Variants in JPH3 observed in about 807,000 individuals in gnomAD.
The protein encoded by JPH3 is junctophilin-3.
JPH3 carries 11 observed loss-of-function variants against 59.6 expected under a neutral mutation model. The observed-to-expected ratio is 0.18, with a 90% CI of 0.12 to 0.31. JPH3 has a LOEUF of 0.31. JPH3 is among the 10% of genes least tolerant of loss of function. JPH3 has a pLI of 1.00. For synonymous variants in JPH3, 673 were observed against 483.6 expected, an observed-to-expected ratio of 1.39 and a Z score of -5.14; for missense variants, 1,202 against 1,105.7, an observed-to-expected ratio of 1.09 and a Z score of -1.24.
chr16:87,644,262 C>T lies in JPH3; in HGVS notation c.387C>T (p.Thr129=), dbSNP rs753628030. ...CCTCTCTCATTTTCTCCCCAGGGAC[C>T]TACCAGGGCCAGTGGGTCGGTGGCA... ...YGTETYSDGG[T]YQGQWVGGMR... The change falls in exon 2 of 5, where the codon ACC becomes ACT. Residue 129 remains threonine (T), a synonymous_variant. Coordinates refer to ENST00000284262, the MANE Select transcript of JPH3 (RefSeq NM_020655.4). 2 of 1,604,438 alleles carry T rather than the reference C, an allele frequency of 1.2e-6. No homozygotes were observed. The highest frequency in any genetic ancestry group is 1.1e-5 in the South Asian group (1 of 89,474).
chr16:87,684,660 G>GTCACAGCCATTAGC (rs2033374195), intron 3 of JPH3, among the ~76,000 whole-genome samples: 1 of 152,252 alleles, frequency 6.6e-6, no homozygotes, highest in Admixed American at 6.5e-5. Flanking sequence ...CATTAGCTGG[G>GTCACAGCCATTAGC]TGTGTCTGCG....
intron 1 of JPH3, among the ~76,000 whole-genome samples, chr16:87,632,255 G>A (rs2150836007): frequency 6.6e-6 from 1 of 152,284 alleles, no homozygotes; most frequent in Admixed American, 6.5e-5. Flanking sequence ...AGTGCCTGCT[G>A]AAGCATTGGC....
At chr16:87,618,420 G>A (rs4843249) in intron 1 of JPH3, among the ~76,000 whole-genome samples, 59,979 of 151,988 alleles carry the variant, frequency 0.39, 12,578 homozygotes, top group South Asian at 0.53. Flanking sequence ...TGGCCTTGTG[G>A]CAAACACCTC....
At chr16:87,604,401 A>T in intron 1 of JPH3, 1 of 1,418,996 alleles carries the variant, frequency 7.0e-7, no homozygotes. Flanking sequence ...TCCGATATCC[A>T]CTCCTCAGTG....
chr16:87,615,212 G>C (rs1220837925), intron 1 of JPH3, among the ~76,000 whole-genome samples: 1 of 152,252 alleles, frequency 6.6e-6, no homozygotes, highest in Non-Finnish European at 1.5e-5. Context: ...CGGGGCCTAA[G>C]CGTGCCCAGA....
At chr16:87,653,664 G>C (rs980423236) in intron 2 of JPH3, 1 of 152,248 alleles carries the variant, frequency 6.6e-6, no homozygotes, top group Non-Finnish European at 1.5e-5. Flanking sequence ...AGGTAGCACA[G>C]TTCTCATCAC....
chr16:87,648,464 C>A (rs1488159404), intron 2 of JPH3, among the ~76,000 whole-genome samples: 1 of 152,116 alleles, frequency 6.6e-6, no homozygotes, highest in Non-Finnish European at 1.5e-5. Flanking sequence ...ACTGTCCTCA[C>A]CCGCCCCGGC....
chr16:87,634,785 G>C (rs2031678627), intron 1 of JPH3, among the ~76,000 whole-genome samples: 1 of 152,254 alleles, frequency 6.6e-6, no homozygotes, highest in African/African-American at 2.4e-5. Flanking sequence ...GGGCTTTGGG[G>C]TTGGGCCTCA....
intron 2 of JPH3, chr16:87,683,900 C>T: frequency 2.0e-6 from 1 of 501,176 alleles, no homozygotes; most frequent in Non-Finnish European, 3.6e-6. Flanking sequence ...GCCACCATGC[C>T]CTGCCCAGAG....
rs746632245 is a variant in JPH3 at position 87,696,672 on chromosome 16, G to A, written c.*12G>A. ...ACTTTTTCATCTGATGAGATGTCGC[G>A]GTAGCAAAAATAGAGAAAGGGTAGA... On this transcript the variant is annotated 3_prime_UTR_variant, in exon 5 of 5. Coordinates refer to ENST00000284262, the MANE Select transcript of JPH3 (RefSeq NM_020655.4). The A allele has an allele frequency of 1.2e-5, 19 of 1,605,282 alleles. No homozygotes were observed. The highest frequency in any genetic ancestry group is 7.7e-5 in the South Asian group (7 of 90,880).
intron 1 of JPH3, among the ~76,000 whole-genome samples, chr16:87,638,133 T>C (rs1024270975): frequency 6.6e-6 from 1 of 152,158 alleles, no homozygotes; most frequent in African/African-American, 2.4e-5. Flanking sequence ...TTGGCCAGGC[T>C]GGTCTCGAAC....
Position 87,611,338 on chromosome 16 carries a change from G to C in JPH3, c.382+7810G>C, listed in dbSNP as rs1328949383. ...CTGAAGGAGCGGCAGAGGCTTCTGGGGGTAGGCAGTGCCTGAGTTGAGTCT... is the reference window on the plus strand; with the variant it reads ...CTGAAGGAGCGGCAGAGGCTTCTGGCGGTAGGCAGTGCCTGAGTTGAGTCT... On this transcript the variant is annotated intron_variant, in intron 1 of 4. Transcript: ENST00000284262. This position sits in a 1 kb window ranked among gnomAD's most constrained non-coding sequence, Gnocchi z 4.5. Among the ~76,000 whole-genome samples, 2 of 152,198 alleles carry C rather than the reference G, an allele frequency of 1.3e-5. No individual in the cohort carries two copies. Among genetic ancestry groups the C allele is most frequent in the African/African-American group, 4.8e-5 (2 of 41,446 alleles).
chr16:87,608,070 C>G (rs2150820772), intron 1 of JPH3, among the ~76,000 whole-genome samples: 1 of 152,360 alleles, frequency 6.6e-6, no homozygotes, highest in Non-Finnish European at 1.5e-5. Flanking sequence ...CTGAGATGAG[C>G]TGGCCGGGGA....
chr16:87,680,001 A>G (rs2033245604), intron 2 of JPH3, among the ~76,000 whole-genome samples: 1 of 152,138 alleles, frequency 6.6e-6, no homozygotes. Context: ...CCCCGCCTCT[A>G]AGCCTGGGTC....
At chr16:87,657,452 A>T (rs904374060) in intron 2 of JPH3, among the ~76,000 whole-genome samples, 1 of 152,174 alleles carries the variant, frequency 6.6e-6, no homozygotes, top group African/African-American at 2.4e-5. Context: ...GAGGGCGACG[A>T]CAGTACCCTG....
chr16:87,673,302 G>T (rs886490290), intron 2 of JPH3, among the ~76,000 whole-genome samples: 1 of 132,522 alleles, frequency 7.5e-6, no homozygotes, highest in South Asian at 2.7e-4. Flanking sequence ...GGTTTCACTT[G>T]TCTTGGGAGA....
chr16:87,634,168 C>T (rs1047974558), intron 1 of JPH3, among the ~76,000 whole-genome samples: 1 of 152,198 alleles, frequency 6.6e-6, no homozygotes, highest in Admixed American at 6.5e-5. Context: ...TGAATGCCGT[C>T]TGTTGGCCAG....
At chr16:87,645,728 C>T (rs1460421074) in intron 2 of JPH3, among the ~76,000 whole-genome samples, 1 of 151,990 alleles carries the variant, frequency 6.6e-6, no homozygotes, top group African/African-American at 2.4e-5. Flanking sequence ...CAGGATGGGG[C>T]CTTTAGGGCT....
intron 4 of JPH3, chr16:87,693,881 T>C (rs1452359754): frequency 6.6e-6 from 1 of 152,206 alleles, no homozygotes; most frequent in African/African-American, 2.4e-5. Context: ...ATAGGCTCAT[T>C]GGCTGCTCAT....
Sources: gnomAD v4.1 joint callset for allele counts (sites outside exome capture counted in the v4.1 genomes callset) on GRCh38, gnomAD v4.1.1 for gene constraint, Gnocchi (gnomAD v3.1) non-coding constraint, MANE v1.5 for transcripts, NCBI Gene and HGNC (gene_info 2026-07-23, HGNC 2026-07-21) for gene names.